The following WDR59 variants were observed in gnomAD, a reference collection of about 807,000 sequenced individuals.
WDR59 encodes WD repeat domain 59, also known as GATOR2 complex protein WDR59.
A neutral mutation model predicts 131.2 loss-of-function variants in WDR59; 100 were observed. The ratio of observed to expected loss-of-function variants is 0.76; its 90% CI spans 0.65 to 0.90. The LOEUF is 0.90. Ranked by LOEUF, WDR59 falls within the 40% of genes least tolerant of loss-of-function variation. WDR59 has a pLI of 0.00. For synonymous variants in WDR59, 601 were observed against 466.2 expected (o/e 1.29, Z -3.72); for missense variants, 1,203 against 1,262.2 (o/e 0.95, Z 0.71).
intron 4 of WDR59, among the ~76,000 whole-genome samples, chr16:74,951,151 C>T (rs1373139605): frequency 8.5e-6 from 1 of 117,536 alleles, no homozygotes; most frequent in East Asian, 2.7e-4. Context: ...CAGAGTGAGA[C>T]TTCGTCTCAA....
At chr16:74,892,451 A>C in intron 20 of WDR59, 33 bp downstream of exon 20, 1 of 1,579,024 alleles carries the variant, frequency 6.3e-7, no homozygotes, top group Non-Finnish European at 8.7e-7. Flanking sequence ...CTGAAGAAAA[A>C]TCCAAATCTC....
At chr16:74,912,863 T>A (rs1966169118) in intron 13 of WDR59, among the ~76,000 whole-genome samples, 1 of 152,260 alleles carries the variant, frequency 6.6e-6, no homozygotes, top group South Asian at 2.1e-4. Flanking sequence ...AGCAGGAGTA[T>A]GTCTTTAAGG....
intron 1 of WDR59, among the ~76,000 whole-genome samples, chr16:74,969,433 C>G (rs148637336): frequency 2.0e-5 from 3 of 151,820 alleles, no homozygotes; most frequent in Non-Finnish European, 4.4e-5. Context: ...CCACTACGCT[C>G]GGCTAATTTT....
At chr16:74,974,441 G>C (rs2034107653) in intron 1 of WDR59, among the ~76,000 whole-genome samples, 2 of 152,134 alleles carry the variant, frequency 1.3e-5, no homozygotes, top group Non-Finnish European at 2.9e-5. Flanking sequence ...CACTACGCTA[G>C]GTGTTCCAAA....
chr16:74,886,980 A>T (rs891170797), intron 23 of WDR59, among the ~76,000 whole-genome samples: 5 of 152,178 alleles, frequency 3.3e-5, no homozygotes, highest in Admixed American at 6.5e-5. Context: ...ACAGTAGAAC[A>T]TTACATAGTC....
chr16:74,935,158 A>G (rs2145065586), intron 8 of WDR59, among the ~76,000 whole-genome samples: 1 of 152,130 alleles, frequency 6.6e-6, no homozygotes, highest in African/African-American at 2.4e-5. Context: ...TGAACCTGGG[A>G]GGCAGAGGCT....
At position 74,915,978 on chromosome 16, in the gene WDR59, G is replaced by C. The variant is rs1384976643; in HGVS notation, c.1116C>G (p.Pro372=). The change falls in exon 13 of 26, where the codon CCC becomes CCG. Residue 372 remains proline (P), a synonymous_variant. Transcript: ENST00000262144. The stretch of plus-strand genomic sequence containing the variant: ...TCCTCTCTTCCAGGAGATTTCTAGG[G>C]GGATCTTCTTTTAGGGCTAGCAGGA... ...HGEEEALKED[P]PRNLLEERKS... 6.2e-7 allele frequency: 1 copy of C among 1,614,140 alleles called. No individual in the cohort carries two copies. Among genetic ancestry groups the C allele is most frequent in the Non-Finnish European group, 8.5e-7 (1 of 1,180,024 alleles).
intron 18 of WDR59, chr16:74,899,707 G>A (rs1246362082): frequency 7.8e-6 from 10 of 1,289,138 alleles, no homozygotes; most frequent in Non-Finnish European, 9.1e-6. Context: ...CCGGGAAGTC[G>A]TTAATTGCTT....
rs1350230302 is a variant in WDR59 at position 74,899,661 on chromosome 16, G to T, written c.1866+4286C>A. 4 of 1,284,598 alleles carry T rather than the reference G, an allele frequency of 3.1e-6. No homozygotes were observed. In the South Asian group the frequency reaches 5.0e-5, roughly 16 times the overall value. The allele number at this position is 1,284,598 out of a possible 1,614,324, so 79.6% of individuals were successfully genotyped here. A position where few individuals can be genotyped will look rare whatever the true frequency, so the allele number is the denominator to read the frequency against. The stretch of plus-strand genomic sequence containing the variant: ...ATTCTTGGGCCTCGGGTAGAGACAG[G>T]ATTAGTTAAGGAGAGCATTTGCACA... On this transcript the variant is annotated intron_variant, in intron 18 of 25. Coordinates refer to ENST00000262144, the MANE Select transcript of WDR59 (RefSeq NM_030581.4).
At chr16:74,942,031 TACCTA>T (rs1231618100) in intron 7 of WDR59, among the ~76,000 whole-genome samples, 2 of 152,134 alleles carry the variant, frequency 1.3e-5, no homozygotes, top group African/African-American at 4.8e-5. Context: ...TGTTCATTAT[TACCTA>T]ACAGTCTGGC....
Position 74,909,379 on chromosome 16 carries a change from G to A in WDR59, c.1642+122C>T, listed in dbSNP as rs1342439567. 5 of 1,270,868 alleles carry A rather than the reference G, an allele frequency of 3.9e-6. No individual in the cohort carries two copies. In the East Asian group the frequency reaches 1.4e-4, roughly 34 times the overall value. The allele number at this position is 1,270,868 out of a possible 1,614,324, so 78.7% of individuals were successfully genotyped here. A position where few individuals can be genotyped will look rare whatever the true frequency, so the allele number is the denominator to read the frequency against. On this transcript the variant is annotated intron_variant, in intron 16 of 25. Coordinates refer to ENST00000262144, the MANE Select transcript of WDR59 (RefSeq NM_030581.4). ...CAGACCCTACCACGCTACCATGAAAGTCTCGTTTGAGTTCTCGGGAGTAAA... is the reference window on the plus strand; with the variant it reads ...CAGACCCTACCACGCTACCATGAAAATCTCGTTTGAGTTCTCGGGAGTAAA...
At chr16:74,925,030 CATAT>C (rs2030637824) in intron 8 of WDR59, among the ~76,000 whole-genome samples, 2 of 152,092 alleles carry the variant, frequency 1.3e-5, no homozygotes, top group South Asian at 4.1e-4. Context: ...CACAAAAACC[CATAT>C]ATGAATGTTT....
intron 18 of WDR59, among the ~76,000 whole-genome samples, chr16:74,903,485 T>A (rs1965651729): frequency 8.6e-6 from 1 of 115,900 alleles, no homozygotes; most frequent in Non-Finnish European, 1.9e-5. Flanking sequence ...CCATGTAGAC[T>A]TAGTATAAAA....
intron 6 of WDR59, among the ~76,000 whole-genome samples, chr16:74,946,357 T>A (rs892274749): frequency 6.6e-6 from 1 of 152,150 alleles, no homozygotes; most frequent in African/African-American, 2.4e-5. Flanking sequence ...ATATTAAGTA[T>A]CTCCTTGGAT....
intron 25 of WDR59, 36 bp from the exon 26 acceptor site, chr16:74,874,480 G>T: frequency 5.0e-6 from 8 of 1,595,918 alleles, no homozygotes; most frequent in Non-Finnish European, 6.9e-6. Context: ...ACAAGAGGCA[G>T]CATGAGTTTA....
intron 1 of WDR59, chr16:74,984,629 C>T (rs2034552881): frequency 2.8e-6 from 1 of 356,674 alleles, no homozygotes; most frequent in East Asian, 4.8e-5. Flanking sequence ...CGGCTAGGGC[C>T]TCGGGAAGCC....
In WDR59 at chr16:74,899,735, C is replaced by CG. The variant is rs777930228; in HGVS notation, c.1866+4211dup. 3 of 1,289,090 alleles carry CG rather than the reference C, an allele frequency of 2.3e-6. No homozygotes were observed. The South Asian group carries it at 3.7e-5, about 16-fold the overall frequency. The allele number at this position is 1,289,090 out of a possible 1,614,324, so 79.9% of individuals were successfully genotyped here. A position where few individuals can be genotyped will look rare whatever the true frequency, so the allele number is the denominator to read the frequency against. On this transcript the variant is annotated intron_variant, in intron 18 of 25. Coordinates refer to ENST00000262144, the MANE Select transcript of WDR59 (RefSeq NM_030581.4). Reference sequence around the variant, plus strand: ...AATTGCTTGTATGGACCAACGCCGCCGGGCAGAGCGAGGAGACATCTGTGC... The same window carrying CG: ...AATTGCTTGTATGGACCAACGCCGCCGGGGCAGAGCGAGGAGACATCTGTGC...
chr16:74,983,366 G>C (rs141250079), intron 1 of WDR59, among the ~76,000 whole-genome samples: 4 of 151,992 alleles, frequency 2.6e-5, no homozygotes, highest in South Asian at 2.1e-4. Context: ...CCAGCTACTC[G>C]GGAGGCTGAG....
chr16:74,982,580 A>G (rs1055993846), intron 1 of WDR59, among the ~76,000 whole-genome samples: 1 of 152,200 alleles, frequency 6.6e-6, no homozygotes, highest in African/African-American at 2.4e-5. Context: ...GCAGATTAGT[A>G]GCTTCCAAAT....
Sources: gnomAD v4.1 joint callset for allele counts (sites outside exome capture counted in the v4.1 genomes callset) on GRCh38, gnomAD v4.1.1 for gene constraint, MANE v1.5 for transcripts, NCBI Gene and HGNC (gene_info 2026-07-23, HGNC 2026-07-21) for gene names.